Variants in MAML3 observed in about 807,000 individuals in gnomAD.
MAML3 encodes mastermind like transcriptional coactivator 3.
In MAML3, 27 loss-of-function variants were observed where a neutral mutation model predicts 101.9. The ratio of observed to expected loss-of-function variants is 0.27; its 90% CI spans 0.20 to 0.37. The LOEUF (loss-of-function observed/expected upper bound fraction) is 0.37, where lower values mean the gene tolerates loss of function less well. MAML3 is among the 10% of genes least tolerant of loss of function. MAML3 has a pLI of 1.00. For synonymous variants in MAML3, 501 were observed against 555.9 expected (o/e 0.90, Z 1.39); for missense variants, 1,316 against 1,444.9 (o/e 0.91, Z 1.45).
At chr4:140,072,742 G>A (rs942473167) in intron 1 of MAML3, among the ~76,000 whole-genome samples, 8 of 152,050 alleles carry the variant, frequency 5.3e-5, no homozygotes, top group Non-Finnish European at 1.0e-4. Flanking sequence ...TTGTATATCA[G>A]GGACTTTAGC....
intron 1 of MAML3, among the ~76,000 whole-genome samples, chr4:140,005,693 T>A (rs968865904): frequency 1.3e-5 from 2 of 152,206 alleles, no homozygotes; most frequent in Non-Finnish European, 2.9e-5. Flanking sequence ...AAATCATACA[T>A]CCTGGAGATG....
At chr4:139,942,674 C>A (rs1733630822) in intron 1 of MAML3, among the ~76,000 whole-genome samples, 1 of 151,378 alleles carries the variant, frequency 6.6e-6, no homozygotes, top group African/African-American at 2.4e-5. Flanking sequence ...TGTCTATACT[C>A]CTAATATTAA....
intron 1 of MAML3, among the ~76,000 whole-genome samples, chr4:139,986,167 G>A (rs1236112241): frequency 2.0e-5 from 3 of 152,272 alleles, no homozygotes; most frequent in East Asian, 3.9e-4. Context: ...GGTTTTTTCC[G>A]AGTTTCGTTG....
chr4:139,778,353 A>G (rs1730129846), intron 2 of MAML3, among the ~76,000 whole-genome samples: 1 of 152,200 alleles, frequency 6.6e-6, no homozygotes, highest in Non-Finnish European at 1.5e-5. Flanking sequence ...TTGAGGTCCC[A>G]GAGAAGAGTA....
At position 139,913,672 on chromosome 4, in the gene MAML3, G is replaced by GC. The variant is rs375492667; in HGVS notation, c.469-22706dup. On this transcript the variant is annotated intron_variant, in intron 1 of 4. Transcript: ENST00000509479. ...AAGGGGCTGTGGGGGTGTCAGCGCT[G>GC]CACTGATTTCAGTGCAAGACAAGGG... Among the ~76,000 whole-genome samples, 220 of 152,302 alleles carry GC rather than the reference G, an allele frequency of 1.4e-3. 2 individuals are homozygous for GC. Among genetic ancestry groups the GC allele is most frequent in the African/African-American group, 4.9e-3 (205 of 41,570 alleles).
chr4:139,900,863 GA>G (rs1279845814), intron 1 of MAML3, among the ~76,000 whole-genome samples: 3 of 152,160 alleles, frequency 2.0e-5, no homozygotes, highest in African/African-American at 7.2e-5. Flanking sequence ...GCCAGGCATT[GA>G]GCTAAGTGCT....
chr4:140,052,535 CTT>C (rs397878543), intron 1 of MAML3, among the ~76,000 whole-genome samples: 92 of 136,114 alleles, frequency 6.8e-4, no homozygotes, highest in African/African-American at 5.4e-4. Flanking sequence ...CCATATATTT[CTT>C]TTTTTTTTTT....
chr4:140,102,788 G>A (rs72714225), intron 1 of MAML3, among the ~76,000 whole-genome samples: 27,505 of 151,962 alleles, frequency 0.18, 2,979 homozygotes, highest in Middle Eastern at 0.34. Context: ...ACTATCCGTG[G>A]TACTTCACCA....
Position 140,007,699 on chromosome 4 carries a change from A to G in MAML3, c.469-116732T>C, listed in dbSNP as rs554011030. ...GAAATGGGAAAGCCAAGCTGATCCCATTCTTTCCTCCACAGCTAACAGAGA... is the reference window on the plus strand; with the variant it reads ...GAAATGGGAAAGCCAAGCTGATCCCGTTCTTTCCTCCACAGCTAACAGAGA... On this transcript the variant is annotated intron_variant, in intron 1 of 4. Coordinates refer to ENST00000509479, the MANE Select transcript of MAML3 (RefSeq NM_018717.5). 5.3e-5 allele frequency among the ~76,000 whole-genome samples: 8 copies of G among 152,352 alleles called. No individual in the cohort carries two copies. In the South Asian group the frequency reaches 1.7e-3, roughly 32 times the overall value.
intron 2 of MAML3, among the ~76,000 whole-genome samples, chr4:139,800,972 A>G (rs887605650): frequency 2.2e-4 from 34 of 152,254 alleles, no homozygotes; most frequent in African/African-American, 8.2e-4. Flanking sequence ...AATGAGCTCT[A>G]TGCAGGTAGG....
intron 1 of MAML3, among the ~76,000 whole-genome samples, chr4:140,040,021 C>A (rs1727054326): frequency 6.6e-6 from 1 of 152,084 alleles, no homozygotes; most frequent in African/African-American, 2.4e-5. Context: ...AGAGGACAGA[C>A]CAGTGAGACC....
chr4:139,911,235 T>C (rs551593989), intron 1 of MAML3, among the ~76,000 whole-genome samples: 2 of 152,192 alleles, frequency 1.3e-5, no homozygotes, highest in African/African-American at 4.8e-5. Context: ...TTTTTTTTTT[T>C]GCGATGGAGT....
intron 1 of MAML3, among the ~76,000 whole-genome samples, chr4:139,913,118 A>T (rs1732962170): frequency 6.6e-6 from 1 of 152,250 alleles, no homozygotes; most frequent in Non-Finnish European, 1.5e-5. Context: ...TCCTTACTAA[A>T]GGGTTTTCTT....
At chr4:140,074,488 A>C (rs1004244760) in intron 1 of MAML3, among the ~76,000 whole-genome samples, 4 of 152,168 alleles carry the variant, frequency 2.6e-5, no homozygotes, top group African/African-American at 9.7e-5. Context: ...CCAAAATCTG[A>C]AACTTTGTGA....
chr4:139,844,815 G>C (rs1731414744), intron 2 of MAML3, among the ~76,000 whole-genome samples: 1 of 152,194 alleles, frequency 6.6e-6, no homozygotes, highest in South Asian at 2.1e-4. Flanking sequence ...AGAGAGCCTG[G>C]GGACAGGTTG....
chr4:140,030,983 T>C (rs1183836247), intron 1 of MAML3, among the ~76,000 whole-genome samples: 2 of 152,212 alleles, frequency 1.3e-5, no homozygotes, highest in African/African-American at 4.8e-5. Context: ...TCCAGTTATC[T>C]TGTGATAGGC....
intron 1 of MAML3, among the ~76,000 whole-genome samples, chr4:139,987,471 A>G (rs1397021172): frequency 6.6e-6 from 1 of 152,204 alleles, no homozygotes; most frequent in Non-Finnish European, 1.5e-5. Context: ...GAATGCCTCT[A>G]TCTTATGCCG....
rs558472471 is a variant in MAML3, at chr4:140,045,441, C to A, written c.468+107419G>T. ...ATCTGCTATATATTGTGTTCTAGTG[C>A]CTGTTTTTGTTTGTTTGTTTTTTTT... On this transcript the variant is annotated intron_variant, in intron 1 of 4. Transcript: ENST00000509479. Among the ~76,000 whole-genome samples, 8 of 150,016 alleles carry A rather than the reference C, an allele frequency of 5.3e-5. No homozygotes were observed. The East Asian group carries it at 1.6e-3, about 29-fold the overall frequency.
chr4:139,809,691 T>C lies in MAML3; in HGVS notation c.2080-79024A>G, dbSNP rs551342229. Among the ~76,000 whole-genome samples, 4 of 152,230 alleles carry C rather than the reference T, an allele frequency of 2.6e-5. No homozygotes were observed. In the South Asian group the frequency reaches 8.3e-4, roughly 32 times the overall value. On this transcript the variant is annotated intron_variant, in intron 2 of 4. Coordinates refer to ENST00000509479, the MANE Select transcript of MAML3 (RefSeq NM_018717.5). ...TGTTCTCACCCTCTGAGACCCAAACTCTAACAGAGCATTGTTGTTTTCATA... is the reference window on the plus strand; with the variant it reads ...TGTTCTCACCCTCTGAGACCCAAACCCTAACAGAGCATTGTTGTTTTCATA...
Sources: allele counts gnomAD v4.1 joint callset (sites outside exome capture counted in the v4.1 genomes callset), GRCh38; gene constraint gnomAD v4.1.1; transcripts MANE v1.5; gene names NCBI Gene and HGNC (gene_info 2026-07-23, HGNC 2026-07-21).